Variants in PRKCQ observed in about 807,000 individuals in gnomAD.
The protein encoded by PRKCQ is protein kinase C theta type.
Under a neutral mutation model 91.2 loss-of-function variants are expected in PRKCQ, and 41 were observed. That is an observed-to-expected ratio of 0.45 (90% CI 0.35 to 0.58). The LOEUF is 0.58. PRKCQ is among the 20% of genes least tolerant of loss of function. PRKCQ has a pLI of 0.00. For synonymous variants in PRKCQ, 307 were observed against 316.9 expected, an observed-to-expected ratio of 0.97 and a Z score of 0.33; for missense variants, 673 against 896.5, an observed-to-expected ratio of 0.75 and a Z score of 3.18.
At chr10:6,526,563 G>A (rs939607897) in intron 1 of PRKCQ, among the ~76,000 whole-genome samples, 1 of 152,162 alleles carries the variant, frequency 6.6e-6, no homozygotes, top group African/African-American at 2.4e-5. Context: ...TGCACGAGGA[G>A]AGGACTGAGT....
intron 1 of PRKCQ, among the ~76,000 whole-genome samples, chr10:6,578,181 C>T (rs146434287): frequency 2.0e-5 from 3 of 152,146 alleles, no homozygotes; most frequent in Non-Finnish European, 4.4e-5. Flanking sequence ...AACACCATCC[C>T]CTTGTTGCCT....
At chr10:6,448,753 A>G (rs974854838) in intron 15 of PRKCQ, among the ~76,000 whole-genome samples, 1 of 152,090 alleles carries the variant, frequency 6.6e-6, no homozygotes, top group African/African-American at 2.4e-5. Flanking sequence ...ATTTTGATGA[A>G]GCATAGATAT....
the PRKCQ span, among the ~76,000 whole-genome samples, chr10:6,405,265 G>A: frequency 6.6e-6 from 1 of 152,204 alleles, no homozygotes; most frequent in Non-Finnish European, 1.5e-5. Flanking sequence ...TTACAGGCGT[G>A]AGCCACCGCG....
At chr10:6,481,444 G>T (rs1836593348) in intron 11 of PRKCQ, among the ~76,000 whole-genome samples, 2 of 152,194 alleles carry the variant, frequency 1.3e-5, no homozygotes, top group African/African-American at 4.8e-5. Context: ...ATTAATTGCT[G>T]CTAAATTACA....
chr10:6,461,391 CT>C (rs1564317968), intron 14 of PRKCQ, among the ~76,000 whole-genome samples: 1 of 152,174 alleles, frequency 6.6e-6, no homozygotes, highest in Non-Finnish European at 1.5e-5. Context: ...TAAAAAAATT[CT>C]GCTAAGAGTT....
chr10:6,454,846 G>A (rs942261036), intron 15 of PRKCQ, among the ~76,000 whole-genome samples: 1 of 152,154 alleles, frequency 6.6e-6, no homozygotes, highest in South Asian at 2.1e-4. Flanking sequence ...ACCAAGCACT[G>A]AATCACGTGG....
intron 7 of PRKCQ, among the ~76,000 whole-genome samples, chr10:6,492,184 A>T (rs1013713183): frequency 1.3e-5 from 2 of 152,044 alleles, no homozygotes; most frequent in African/African-American, 2.4e-5. Flanking sequence ...TTTACTATAA[A>T]TATTTCCTTT....
chr10:6,463,267 G>T (rs1835457790), intron 13 of PRKCQ, among the ~76,000 whole-genome samples: 1 of 152,194 alleles, frequency 6.6e-6, no homozygotes, highest in African/African-American at 2.4e-5. Context: ...TCACTGGTGG[G>T]ATTAAGGTCG....
Position 6,428,105 on chromosome 10 carries a change from GTTTC to G in PRKCQ, c.*98_*101del, listed in dbSNP as rs1833211587. The G allele has an allele frequency of 4.1e-6, 6 of 1,465,182 alleles. No individual in the cohort carries two copies. Among genetic ancestry groups the G allele is most frequent in the East Asian group, 4.5e-5 (2 of 43,968 alleles). The allele number at this position is 1,465,182 out of a possible 1,614,324, so 90.8% of individuals were successfully genotyped here. On this transcript the variant is annotated 3_prime_UTR_variant, in exon 18 of 18. Transcript: ENST00000263125. ...CGGGTCTCAGTCTTTATTGTTGAGT[GTTTC>G]TTTCTTTTTCCAAGTTGAAAAAGGA...
At chr10:6,409,668 C>G in the PRKCQ span, among the ~76,000 whole-genome samples, 48 of 152,150 alleles carry the variant, frequency 3.2e-4, no homozygotes, top group African/African-American at 1.1e-3. Flanking sequence ...AAAGAACTTT[C>G]AAATGACACA....
At chr10:6,412,115 T>C in the PRKCQ span, among the ~76,000 whole-genome samples, 2 of 152,188 alleles carry the variant, frequency 1.3e-5, no homozygotes, top group Non-Finnish European at 2.9e-5. Flanking sequence ...TGGAGAGTAA[T>C]GGTGCCATCA....
intron 1 of PRKCQ, among the ~76,000 whole-genome samples, chr10:6,558,080 A>T (rs1382111345): frequency 6.6e-6 from 1 of 152,104 alleles, no homozygotes; most frequent in Non-Finnish European, 1.5e-5. Context: ...GGGCCATGTG[A>T]GCTGTCTTTT....
At chr10:6,422,631 A>C (rs561173575), downstream of PRKCQ, among the ~76,000 whole-genome samples, 2 of 152,308 alleles carry the variant, frequency 1.3e-5, no homozygotes, top group African/African-American at 4.8e-5. Context: ...GAGGTAATAT[A>C]CACAAAGCAC....
rs1023851245 is a variant in PRKCQ, at chr10:6,531,535, G to A, written c.-9-16391C>T. 2.7e-5 allele frequency among the ~76,000 whole-genome samples: 4 copies of A among 150,892 alleles called. No individual in the cohort carries two copies. The South Asian group carries it at 6.3e-4, about 24-fold the overall frequency. On this transcript the variant is annotated intron_variant, in intron 1 of 17. Transcript: ENST00000263125. The stretch of plus-strand genomic sequence containing the variant: ...CTGAGAAACCCTGTTCTAAATAAAT[G>A]GCAATGCCGAGAATATCTCCCCAAC...
chr10:6,572,155 A>C (rs1221417987), intron 1 of PRKCQ, among the ~76,000 whole-genome samples: 1 of 152,186 alleles, frequency 6.6e-6, no homozygotes, highest in Non-Finnish European at 1.5e-5. Flanking sequence ...CTAGCCCCTG[A>C]GCTCATCTGA....
chr10:6,516,907 C>T (rs557795309), intron 1 of PRKCQ, among the ~76,000 whole-genome samples: 1 of 152,258 alleles, frequency 6.6e-6, no homozygotes, highest in Admixed American at 6.5e-5. Context: ...AACCCTCTGT[C>T]CCCCTGAAGG....
intron 15 of PRKCQ, 79 bp downstream of exon 15, chr10:6,456,595 T>A (rs957459366): frequency 1.2e-4 from 178 of 1,538,992 alleles, no homozygotes; most frequent in Non-Finnish European, 1.4e-4. Context: ...TAAAACCTTC[T>A]GATTTTCAGG....
intron 14 of PRKCQ, 101 bp from the exon 15 acceptor site, chr10:6,456,913 A>C (rs1428616997): frequency 6.2e-6 from 8 of 1,285,158 alleles, no homozygotes. Context: ...GCAGCCTGAG[A>C]GGGGCTCACG....
intron 1 of PRKCQ, among the ~76,000 whole-genome samples, chr10:6,545,949 A>G (rs1839935666): frequency 6.6e-6 from 1 of 152,082 alleles, no homozygotes; most frequent in Non-Finnish European, 1.5e-5. Context: ...GGTTGCAGTG[A>G]GCTGAGATTG....
Sources: gnomAD v4.1 joint callset for allele counts (sites outside exome capture counted in the v4.1 genomes callset) on GRCh38, gnomAD v4.1.1 for gene constraint, MANE v1.5 for transcripts, NCBI Gene and HGNC (gene_info 2026-07-23, HGNC 2026-07-21) for gene names.